Variants in TNR observed in about 807,000 individuals in gnomAD.
TNR encodes the protein tenascin R, also known as tenascin-R.
TNR carries 45 observed loss-of-function variants against 150.4 expected under a neutral mutation model. The ratio of observed to expected loss-of-function variants is 0.30; its 90% CI spans 0.24 to 0.38. The LOEUF (loss-of-function observed/expected upper bound fraction) is 0.38, where lower values mean the gene tolerates loss of function less well. Among genes scored for constraint, TNR ranks in the 10% least tolerant of loss-of-function variants. TNR has a pLI of 1.00. For synonymous variants in TNR, 687 were observed against 678.4 expected (o/e 1.01, Z -0.20); for missense variants, 1,544 against 1,759.1 (o/e 0.88, Z 2.19).
intron 1 of TNR, among the ~76,000 whole-genome samples, chr1:175,688,458 A>T (rs931801846): frequency 9.9e-5 from 15 of 152,254 alleles, no homozygotes; most frequent in Admixed American, 7.8e-4. Flanking sequence ...AATGAACATT[A>T]GTTGAGCAAA....
chr1:175,667,906 C>T (rs1041730443), intron 1 of TNR, among the ~76,000 whole-genome samples: 3 of 152,154 alleles, frequency 2.0e-5, no homozygotes, highest in African/African-American at 7.2e-5. Flanking sequence ...AGCAGGTCAG[C>T]CAAAGAGACA....
Position 175,395,244 on chromosome 1 carries a change from A to G in TNR, c.1240+1300T>C, listed in dbSNP as rs373673520. Among the ~76,000 whole-genome samples, 4 of 152,218 alleles carry G rather than the reference A, an allele frequency of 2.6e-5. No individual in the cohort carries two copies. In the East Asian group the frequency reaches 7.7e-4, roughly 29 times the overall value. On this transcript the variant is annotated intron_variant, in intron 5 of 22. Coordinates refer to ENST00000367674, the MANE Select transcript of TNR (RefSeq NM_003285.3). ...CTATCCTTGCATCCTTCAAAGGTCA[A>G]TTCAGTCCTGGAGCTTCCATGAAGA...
At chr1:175,678,520 A>C (rs1045286507) in intron 1 of TNR, among the ~76,000 whole-genome samples, 1 of 152,176 alleles carries the variant, frequency 6.6e-6, no homozygotes, top group Non-Finnish European at 1.5e-5. Flanking sequence ...TCTGGAAGAC[A>C]CAGTGCTGAG....
chr1:175,646,486 T>C (rs905518714), intron 1 of TNR, among the ~76,000 whole-genome samples: 4 of 152,232 alleles, frequency 2.6e-5, no homozygotes, highest in African/African-American at 4.8e-5. Context: ...AGACTCCCTC[T>C]TGTAGGCTTC....
At position 175,403,278 on chromosome 1, in the gene TNR, T is replaced by A. The variant is rs1653799741; in HGVS notation, c.838A>T (p.Thr280Ser). The A allele has an allele frequency of 6.2e-7, 1 of 1,613,948 alleles. No individual in the cohort carries two copies. The highest frequency in any genetic ancestry group is 1.3e-5 in the African/African-American group (1 of 74,900). ...CSGKGRCANG[T>S]CLCEEGYVGE... ...ACGTAGCCCTCCTCGCATAAACAGG[T>A]ACCGTTGGCACATCTCCCCTTCCCC... Residue 280 changes from threonine (T) to serine (S), a missense_variant, in exon 4 of 23, where the codon ACC (threonine) becomes TCC (serine). Physicochemically the swap from Thr to Ser is moderately conservative, Grantham distance 58. Coordinates refer to ENST00000367674, the MANE Select transcript of TNR (RefSeq NM_003285.3).
intron 1 of TNR, among the ~76,000 whole-genome samples, chr1:175,662,682 C>A (rs1665415214): frequency 6.6e-6 from 1 of 152,188 alleles, no homozygotes; most frequent in Admixed American, 6.5e-5. Flanking sequence ...TGTAACCTGT[C>A]CTCAGGACCC....
At chr1:175,669,601 G>A (rs1665633830) in intron 1 of TNR, among the ~76,000 whole-genome samples, 1 of 152,156 alleles carries the variant, frequency 6.6e-6, no homozygotes, top group African/African-American at 2.4e-5. Flanking sequence ...CCAAGTTAAG[G>A]TTTTGCAAAA....
At chr1:175,509,433 T>C (rs979769146) in intron 2 of TNR, among the ~76,000 whole-genome samples, 2 of 152,230 alleles carry the variant, frequency 1.3e-5, no homozygotes, top group African/African-American at 4.8e-5. Flanking sequence ...TGTATTCTTC[T>C]GCTCCGAGTT....
intron 2 of TNR, among the ~76,000 whole-genome samples, chr1:175,432,000 A>C (rs996228950): frequency 1.3e-5 from 2 of 149,178 alleles, no homozygotes; most frequent in African/African-American, 5.0e-5. Context: ...AAGGCTTGAG[A>C]CCTTGTTTCC....
intron 1 of TNR, among the ~76,000 whole-genome samples, chr1:175,533,110 T>C (rs1268322807): frequency 1.3e-5 from 2 of 152,204 alleles, no homozygotes; most frequent in African/African-American, 2.4e-5. Context: ...GAAAAAGACA[T>C]TTCTCTTTCT....
chr1:175,729,097 C>A (rs1386027694), intron 1 of TNR, among the ~76,000 whole-genome samples: 1 of 152,152 alleles, frequency 6.6e-6, no homozygotes, highest in African/African-American at 2.4e-5. Flanking sequence ...CTGAGGCCCT[C>A]ATATCCTATG....
At chr1:175,726,374 A>C (rs1237563863) in intron 1 of TNR, among the ~76,000 whole-genome samples, 1 of 152,228 alleles carries the variant, frequency 6.6e-6, no homozygotes, top group Non-Finnish European at 1.5e-5. Context: ...GCTGCTGATT[A>C]ATAAGTTTTA....
intron 9 of TNR, 68 bp downstream of exon 9, chr1:175,379,484 T>C (rs751151729): frequency 1.0e-4 from 148 of 1,443,560 alleles, no homozygotes; most frequent in Admixed American, 4.9e-4. Context: ...GATGTGTAGG[T>C]TGGGGAGACA....
intron 21 of TNR, among the ~76,000 whole-genome samples, chr1:175,329,645 C>T (rs1175991190): frequency 1.3e-5 from 2 of 152,228 alleles, no homozygotes; most frequent in Non-Finnish European, 2.9e-5. Flanking sequence ...TCCTGGATGT[C>T]ATTGCATGGG....
chr1:175,333,899 A>G (rs984079205), intron 20 of TNR, among the ~76,000 whole-genome samples: 2 of 152,232 alleles, frequency 1.3e-5, no homozygotes, highest in Admixed American at 6.5e-5. Context: ...AAAGGAGGAC[A>G]GTTGGCTAGG....
intron 1 of TNR, among the ~76,000 whole-genome samples, chr1:175,727,224 A>G (rs866507699): frequency 2.0e-5 from 3 of 152,252 alleles, no homozygotes; most frequent in Admixed American, 1.3e-4. Context: ...CTTTGGATCT[A>G]TAAGATCTTT....
At chr1:175,709,226 A>C (rs1289305999) in intron 1 of TNR, among the ~76,000 whole-genome samples, 1 of 151,450 alleles carries the variant, frequency 6.6e-6, no homozygotes, top group African/African-American at 2.4e-5. Flanking sequence ...AATGTGTGGA[A>C]TGTGACGATA....
At chr1:175,548,537 C>T (rs1398938743) in intron 1 of TNR, among the ~76,000 whole-genome samples, 2 of 151,982 alleles carry the variant, frequency 1.3e-5, no homozygotes, top group East Asian at 1.9e-4. Context: ...TTCCTATATC[C>T]GCTCTTTCTC....
chr1:175,548,604 G>T (rs930972788), intron 1 of TNR, among the ~76,000 whole-genome samples: 2 of 150,546 alleles, frequency 1.3e-5, no homozygotes, highest in Admixed American at 1.3e-4. Flanking sequence ...TCCCCTCAGG[G>T]CCCCTCTTTC....
Sources: allele counts gnomAD v4.1 joint callset (sites outside exome capture counted in the v4.1 genomes callset), GRCh38; gene constraint gnomAD v4.1.1; transcripts MANE v1.5; gene names NCBI Gene and HGNC (gene_info 2026-07-23, HGNC 2026-07-21).